GPHB5: variants seen among roughly 807,000 people sequenced by gnomAD.
GPHB5 encodes the protein glycoprotein hormone subunit beta 5, also known as glycoprotein hormone beta-5.
A neutral mutation model predicts 10.1 loss-of-function variants in GPHB5; 7 were observed. The ratio of observed to expected loss-of-function variants is 0.69; its 90% CI spans 0.39 to 1.30. The LOEUF (loss-of-function observed/expected upper bound fraction) is 1.30. GPHB5 is among the 50% of genes most tolerant of loss of function. The pLI is 0.01. For synonymous variants in GPHB5, 68 were observed against 70.1 expected (o/e 0.97, Z 0.15); for missense variants, 161 against 169.8 (o/e 0.95, Z 0.29).
chr14:63,313,108 A>G lies in GPHB5; in HGVS notation c.213T>C (p.Ile71=). ...WGRCETWEKP[I]LEPPYIEAHH... ...GGGCTTCAATATAGGGGGGTTCCAG[A>G]ATGGGTTTCTGTCCCCATAGATAGA... The change falls in exon 3 of 3, where the codon ATT becomes ATC. Residue 71 remains isoleucine (I), a synonymous_variant. Coordinates refer to ENST00000621500, the MANE Select transcript of GPHB5 (RefSeq NM_145171.4). 2 of 1,591,876 alleles carry G rather than the reference A, an allele frequency of 1.3e-6. No homozygotes were observed. Among genetic ancestry groups the G allele is most frequent in the Non-Finnish European group, 1.7e-6 (2 of 1,170,312 alleles).
In GPHB5 at chr14:63,312,925, G is replaced by T. The variant is rs1882693828; in HGVS notation, c.*3C>A. ...GTGGGTCTGCAGAGAGCAGCTAGCG[G>T]CCTCAGATGGTCTCACACTCCGTGG... On this transcript the variant is annotated 3_prime_UTR_variant, in exon 3 of 3. Coordinates refer to ENST00000621500, the MANE Select transcript of GPHB5 (RefSeq NM_145171.4). 8.4e-6 allele frequency: 13 copies of T among 1,551,476 alleles called. 1 individual carries two copies. The East Asian group carries it at 3.2e-4, about 38-fold the overall frequency.
In GPHB5 at chr14:63,317,804, G is replaced by A. The variant is rs778661616; in HGVS notation, c.46C>T (p.Leu16=). The A allele has an allele frequency of 1.9e-6, 3 of 1,613,976 alleles. No homozygotes were observed. The highest frequency in any genetic ancestry group is 1.3e-5 in the African/African-American group (1 of 74,952). Reference sequence around the variant, plus strand: ...CCGAGGACACAGCCATAGCCAGCCAGAAGGAGGAGGGCCATGGGGCCAAGG... The same window carrying A: ...CCGAGGACACAGCCATAGCCAGCCAAAAGGAGGAGGGCCATGGGGCCAAGG... ...LFLGPMALLL[L]AGYGCVLGAS... Residue 16 remains leucine (L), a synonymous_variant, in exon 2 of 3, where the codon CTG becomes TTG. Transcript: ENST00000621500.
chr14:63,312,925 G>A lies in GPHB5; in HGVS notation c.*3C>T. ...GTGGGTCTGCAGAGAGCAGCTAGCGGCCTCAGATGGTCTCACACTCCGTGG... is the reference window on the plus strand; with the variant it reads ...GTGGGTCTGCAGAGAGCAGCTAGCGACCTCAGATGGTCTCACACTCCGTGG... On this transcript the variant is annotated 3_prime_UTR_variant, in exon 3 of 3. Transcript: ENST00000621500. 6.4e-7 allele frequency: 1 copy of A among 1,551,476 alleles called. No individual in the cohort carries two copies.
In GPHB5 at chr14:63,318,311, G is replaced by A. The variant is rs555816745; in HGVS notation, c.-1-461C>T. 2.9e-4 allele frequency among the ~76,000 whole-genome samples: 44 copies of A among 152,252 alleles called. 1 individual carries two copies. The South Asian group carries it at 8.9e-3, about 31-fold the overall frequency. On this transcript the variant is annotated intron_variant, in intron 1 of 2. Transcript: ENST00000621500. The stretch of plus-strand genomic sequence containing the variant: ...AACTATATTTTCAGTGTCATGATGG[G>A]GAATGATTTGGAGGGGTTGATAAAT...
rs945996784 is a variant in GPHB5 at position 63,317,863 on chromosome 14, A to G, written c.-1-13T>C. 1 of 1,613,158 alleles carries G rather than the reference A, an allele frequency of 6.2e-7. No homozygotes were observed. Among genetic ancestry groups the G allele is most frequent in the African/African-American group, 1.3e-5 (1 of 75,060 alleles). ...TGCCAGCTTCATGCTGCTCTTCCGG[A>G]GAGGGAAAGGACAGAGTTTAACAGA... On this transcript the variant is annotated splice_polypyrimidine_tract_variant and intron_variant, in intron 1 of 2. Coordinates refer to ENST00000621500, the MANE Select transcript of GPHB5 (RefSeq NM_145171.4).
At chr14:63,314,854 C>G (rs1410042406) in intron 2 of GPHB5, among the ~76,000 whole-genome samples, 1 of 144,210 alleles carries the variant, frequency 6.9e-6, no homozygotes, top group African/African-American at 2.6e-5. Context: ...TCAAGATGTT[C>G]TTGCATGAAT....
intron 2 of GPHB5, among the ~76,000 whole-genome samples, chr14:63,317,435 C>T (rs1882789488): frequency 6.6e-6 from 1 of 152,186 alleles, no homozygotes; most frequent in Non-Finnish European, 1.5e-5. Context: ...AAATTCTTAA[C>T]CTTATCAATG....
At chr14:63,314,650 G>GA (rs1323111247) in intron 2 of GPHB5, among the ~76,000 whole-genome samples, 1 of 151,998 alleles carries the variant, frequency 6.6e-6, no homozygotes, top group African/African-American at 2.4e-5. Context: ...CTGACCTCGT[G>GA]ATCTGCCTGC....
intron 2 of GPHB5, among the ~76,000 whole-genome samples, chr14:63,315,889 A>G (rs1882762743): frequency 6.6e-6 from 1 of 152,202 alleles, no homozygotes; most frequent in South Asian, 2.1e-4. Flanking sequence ...CTGACCTCCT[A>G]TGGGTGACCA....
At chr14:63,313,301 A>G (rs1197242815) in intron 2 of GPHB5, among the ~76,000 whole-genome samples, 185 bp from the exon 3 acceptor site, 1 of 152,222 alleles carries the variant, frequency 6.6e-6, no homozygotes, top group Non-Finnish European at 1.5e-5. Flanking sequence ...ACCATATTCT[A>G]AGCTCCCAGG....
chr14:63,313,480 C>T (rs1739037), intron 2 of GPHB5, among the ~76,000 whole-genome samples: 62,354 of 151,876 alleles, frequency 0.41, 14,098 homozygotes, highest in African/African-American at 0.61. Flanking sequence ...CAGATCATGT[C>T]ACTCCTCTGC....
At chr14:63,316,963 C>T (rs2139684542) in intron 2 of GPHB5, among the ~76,000 whole-genome samples, 1 of 152,342 alleles carries the variant, frequency 6.6e-6, no homozygotes, top group South Asian at 2.1e-4. Flanking sequence ...TCCTCTTCAT[C>T]ACTCAAACAG....
Position 63,313,060 on chromosome 14 carries a change from G to T in GPHB5, c.261C>A (p.Asn87Lys), listed in dbSNP as rs376425106. 2 of 1,607,230 alleles carry T rather than the reference G, an allele frequency of 1.2e-6. No individual in the cohort carries two copies. Among genetic ancestry groups the T allele is most frequent in the Admixed American group, 3.4e-5 (2 of 59,070 alleles). The change falls in exon 3 of 3, where the codon AAC becomes AAA. Residue 87 changes from asparagine to lysine, a missense_variant. Physicochemically the swap from Asn to Lys is moderately conservative, Grantham distance 94. Transcript: ENST00000621500. ...IEAHHRVCTYNETKQVTVKLP... is the reference protein window; with the variant it reads ...IEAHHRVCTYKETKQVTVKLP... Reference sequence around the variant, plus strand: ...GCTTGACAGTCACCTGTTTGGTCTCGTTGTAGGTACAGACTCGATGATGGG... The same window carrying T: ...GCTTGACAGTCACCTGTTTGGTCTCTTTGTAGGTACAGACTCGATGATGGG...
chr14:63,317,934 C>T, intron 1 of GPHB5, 84 bp from the exon 2 acceptor site: 1 of 1,236,970 alleles, frequency 8.1e-7, no homozygotes, highest in Non-Finnish European at 1.1e-6. Flanking sequence ...TTGTCACTAT[C>T]AAAGGGACCT....
chr14:63,316,423 G>A (rs1882772351), intron 2 of GPHB5, among the ~76,000 whole-genome samples: 1 of 152,184 alleles, frequency 6.6e-6, no homozygotes. Flanking sequence ...AATGTGTATT[G>A]AATGCCTTGT....
chr14:63,314,957 T>C (rs1882745947), intron 2 of GPHB5, among the ~76,000 whole-genome samples: 1 of 148,564 alleles, frequency 6.7e-6, no homozygotes, highest in Non-Finnish European at 1.5e-5. Flanking sequence ...GGCTGGAGTA[T>C]AGTGGCATGA....
In GPHB5 at chr14:63,317,750, C is replaced by A; in HGVS notation, c.100G>T (p.Val34Leu). 7 of 1,614,060 alleles carry A rather than the reference C, an allele frequency of 4.3e-6. No individual in the cohort carries two copies. Among genetic ancestry groups the A allele is most frequent in the Non-Finnish European group, 5.9e-6 (7 of 1,179,898 alleles). ...GASSGNLRTF[V>L]GCAVREFTFL... ...GTAAACTCCCTCACGGCACAGCCCA[C>A]AAAGGTGCGCAGGTTCCCACTGGAG... The change falls in exon 2 of 3, where the codon GTG (valine) becomes TTG (leucine). Residue 34 changes from valine to leucine, a missense_variant. Coordinates refer to ENST00000621500, the MANE Select transcript of GPHB5 (RefSeq NM_145171.4).
intron 2 of GPHB5, 108 bp downstream of exon 2, chr14:63,317,538 G>T: frequency 9.8e-7 from 1 of 1,019,972 alleles, no homozygotes; most frequent in Non-Finnish European, 1.4e-6. Flanking sequence ...ACAGGAAAGG[G>T]CAGATGTCCC....
At chr14:63,313,832 T>A (rs1882718629) in intron 2 of GPHB5, among the ~76,000 whole-genome samples, 1 of 152,158 alleles carries the variant, frequency 6.6e-6, no homozygotes, top group Admixed American at 6.5e-5. Flanking sequence ...CAACATTCCA[T>A]CTCCATGCCC....
Sources: allele counts gnomAD v4.1 joint callset (sites outside exome capture counted in the v4.1 genomes callset), GRCh38; gene constraint gnomAD v4.1.1; transcripts MANE v1.5; gene names NCBI Gene and HGNC (gene_info 2026-07-23, HGNC 2026-07-21).